NEK1: variants seen among roughly 807,000 people sequenced by gnomAD.
The protein encoded by NEK1 is NIMA related kinase 1.
Under a neutral mutation model 182.1 loss-of-function variants are expected in NEK1, and 137 were observed. The observed-to-expected ratio is 0.75, with a 90% CI of 0.65 to 0.87. The LOEUF (loss-of-function observed/expected upper bound fraction) is 0.87, where lower values mean the gene tolerates loss of function less well. Ranked by LOEUF, NEK1 falls within the 40% of genes least tolerant of loss-of-function variation. NEK1 has a pLI of 0.00. For synonymous variants in NEK1, 513 were observed against 492.2 expected (o/e 1.04, Z -0.56); for missense variants, 1,391 against 1,494.4 (o/e 0.93, Z 1.14).
chr4:169,531,034 G>C (rs1757593837), intron 19 of NEK1, among the ~76,000 whole-genome samples: 2 of 151,366 alleles, frequency 1.3e-5, no homozygotes, highest in South Asian at 4.2e-4. Context: ...ATTATTTATA[G>C]TGAGAAAATA....
intron 20 of NEK1, among the ~76,000 whole-genome samples, 168 bp from the exon 21 acceptor site, chr4:169,508,499 T>C (rs1753680272): frequency 6.6e-6 from 1 of 152,152 alleles, no homozygotes; most frequent in Non-Finnish European, 1.5e-5. Flanking sequence ...AGTGTTTAAT[T>C]AAGAACAATT....
At chr4:169,444,552 A>G (rs768214539) in intron 27 of NEK1, among the ~76,000 whole-genome samples, 4 of 152,188 alleles carry the variant, frequency 2.6e-5, no homozygotes, top group Non-Finnish European at 5.9e-5. Context: ...GGAAAAATTA[A>G]ATGAGCAGAT....
chr4:169,497,165 C>A (rs2149645414), intron 23 of NEK1, among the ~76,000 whole-genome samples: 1 of 152,312 alleles, frequency 6.6e-6, no homozygotes, highest in African/African-American at 2.4e-5. Context: ...TTATCCATTT[C>A]TTCTAGATTT....
chr4:169,551,330 C>A (rs941434875), intron 18 of NEK1, among the ~76,000 whole-genome samples: 2 of 152,130 alleles, frequency 1.3e-5, no homozygotes, highest in Non-Finnish European at 2.9e-5. Flanking sequence ...CAAGAATCTT[C>A]ATCAGGAACA....
chr4:169,452,060 T>A (rs1444306401), intron 27 of NEK1, among the ~76,000 whole-genome samples: 1 of 152,182 alleles, frequency 6.6e-6, no homozygotes, highest in African/African-American at 2.4e-5. Flanking sequence ...CCTGGACACG[T>A]ACTTACATAA....
chr4:169,507,908 T>C (rs1265240237), intron 21 of NEK1, 116 bp from the exon 22 acceptor site: 5 of 797,154 alleles, frequency 6.3e-6, no homozygotes, highest in Non-Finnish European at 1.0e-5. Context: ...ATGGAAATCA[T>C]TTAATGCTGT....
At chr4:169,451,413 T>G (rs145399769) in intron 27 of NEK1, among the ~76,000 whole-genome samples, 9,516 of 151,942 alleles carry the variant, frequency 0.063, 332 homozygotes, top group African/African-American at 0.068. Context: ...AAATGTAAAA[T>G]AACAGAAATC....
intron 23 of NEK1, among the ~76,000 whole-genome samples, chr4:169,481,820 A>G (rs1257185795): frequency 1.3e-5 from 2 of 152,234 alleles, no homozygotes; most frequent in East Asian, 3.8e-4. Context: ...CAAGAGAGTC[A>G]GCCAGTCTTT....
At chr4:169,424,937 G>A in intron 30 of NEK1, 137 bp from the exon 31 acceptor site, 2 of 788,260 alleles carry the variant, frequency 2.5e-6, no homozygotes, top group Non-Finnish European at 3.9e-6. Flanking sequence ...AAATATGTGT[G>A]TCAGTATATT....
intron 12 of NEK1, among the ~76,000 whole-genome samples, chr4:169,568,147 C>A (rs879413021): frequency 1.3e-5 from 2 of 152,158 alleles, no homozygotes; most frequent in Non-Finnish European, 2.9e-5. Context: ...AGAGATAAGG[C>A]AACTCGCTTC....
In NEK1 at chr4:169,501,426, C is replaced by A. The variant is rs185584632; in HGVS notation, c.2007+5611G>T. Among the ~76,000 whole-genome samples, 10 of 152,308 alleles carry A rather than the reference C, an allele frequency of 6.6e-5. No homozygotes were observed. The East Asian group carries it at 1.9e-3, about 29-fold the overall frequency. On this transcript the variant is annotated intron_variant, in intron 23 of 35. Coordinates refer to ENST00000507142, the MANE Select transcript of NEK1 (RefSeq NM_001199397.3). ...TAATTAGCATCTACAGAACACTCCACCAAACAACCACAGAATATACATTCT... is the reference window on the plus strand; with the variant it reads ...TAATTAGCATCTACAGAACACTCCAACAAACAACCACAGAATATACATTCT...
chr4:169,552,587 G>A (rs188814320), intron 18 of NEK1, among the ~76,000 whole-genome samples: 1 of 152,030 alleles, frequency 6.6e-6, no homozygotes, highest in South Asian at 2.1e-4. Context: ...GGAAGTTCTA[G>A]CTAATGCAAT....
At chr4:169,483,028 G>C (rs1049567665) in intron 23 of NEK1, among the ~76,000 whole-genome samples, 1 of 152,146 alleles carries the variant, frequency 6.6e-6, no homozygotes, top group Non-Finnish European at 1.5e-5. Flanking sequence ...GCCTATCTCA[G>C]CTTTCAATAT....
At chr4:169,563,613 C>A (rs1763261400) in intron 12 of NEK1, among the ~76,000 whole-genome samples, 1 of 152,116 alleles carries the variant, frequency 6.6e-6, no homozygotes, top group South Asian at 2.1e-4. Flanking sequence ...TAGCTAGAAC[C>A]TCTGGCATAA....
At chr4:169,501,334 A>T (rs1228746875) in intron 23 of NEK1, among the ~76,000 whole-genome samples, 1 of 152,198 alleles carries the variant, frequency 6.6e-6, no homozygotes, top group Non-Finnish European at 1.5e-5. Context: ...CACTGATAGC[A>T]TTAAACTGAT....
Position 169,577,071 on chromosome 4 carries a change from G to A in NEK1, c.877C>T (p.Pro293Ser), listed in dbSNP as rs1440188948. 2 of 1,613,440 alleles carry A rather than the reference G, an allele frequency of 1.2e-6. No individual in the cohort carries two copies. The highest frequency in any genetic ancestry group is 8.5e-7 in the Non-Finnish European group (1 of 1,179,698). Residue 293 changes from proline to serine, a missense_variant, in exon 12 of 36, where the codon CCA becomes TCA. Pro to Ser is a moderately conservative substitution (Grantham distance 74). Coordinates refer to ENST00000507142, the MANE Select transcript of NEK1 (RefSeq NM_001199397.3). The part of the protein sequence containing the change: ...FGSQPIPAKR[P>S]ASGQNSISVM... ...GAAATCGAGTTTTGTCCTGAAGCTG[G>A]TCTTTTAGCTAGATGAAAAGATACA...
At chr4:169,416,365 T>C (rs1229369974) in intron 31 of NEK1, among the ~76,000 whole-genome samples, 2 of 152,240 alleles carry the variant, frequency 1.3e-5, no homozygotes, top group Non-Finnish European at 2.9e-5. Flanking sequence ...TACAAGTGTT[T>C]TCACTTATTT....
chr4:169,398,325 T>C (rs1561115000), intron 35 of NEK1, among the ~76,000 whole-genome samples: 1 of 152,050 alleles, frequency 6.6e-6, no homozygotes, highest in African/African-American at 2.4e-5. Flanking sequence ...CTGGGGTTTA[T>C]AGACCCTTGG....
At chr4:169,566,932 C>T (rs960074596) in intron 12 of NEK1, among the ~76,000 whole-genome samples, 2 of 151,878 alleles carry the variant, frequency 1.3e-5, no homozygotes, top group South Asian at 2.1e-4. Flanking sequence ...GGCAAGACCC[C>T]GTCTCTACAA....
Sources: allele counts gnomAD v4.1 joint callset (sites outside exome capture counted in the v4.1 genomes callset), GRCh38; gene constraint gnomAD v4.1.1; transcripts MANE v1.5; gene names NCBI Gene and HGNC (gene_info 2026-07-23, HGNC 2026-07-21).